TAS2R1: variants seen among roughly 807,000 people sequenced by gnomAD.
TAS2R1 encodes taste receptor type 2 member 1.
For synonymous variants in TAS2R1, 141 were observed against 134.2 expected (o/e 1.05, Z -0.35); for missense variants, 370 against 353.4 (o/e 1.05, Z -0.38).
At chr5:9,832,077 T>C in the TAS2R1 span, among the ~76,000 whole-genome samples, 2 of 152,216 alleles carry the variant, frequency 1.3e-5, no homozygotes, top group African/African-American at 4.8e-5. Context: ...TGTTATCAAG[T>C]CCAGCTCATC....
At chr5:9,736,883 C>T in the TAS2R1 span, among the ~76,000 whole-genome samples, 7 of 152,174 alleles carry the variant, frequency 4.6e-5, no homozygotes, top group Non-Finnish European at 8.8e-5. Context: ...TTCAGGAAAG[C>T]TCTGTGATAG....
chr5:9,685,009 T>A (rs1051108657), intron 1 of TAS2R1, among the ~76,000 whole-genome samples: 4 of 152,132 alleles, frequency 2.6e-5, no homozygotes, highest in Non-Finnish European at 4.4e-5. Context: ...GAGGTATGCA[T>A]GGTTCAGAAC....
the TAS2R1 span, among the ~76,000 whole-genome samples, chr5:9,875,861 G>C: frequency 6.6e-6 from 1 of 152,166 alleles, no homozygotes; most frequent in Admixed American, 6.5e-5. Flanking sequence ...CGGAAAAAGT[G>C]CTCATGAACT....
At chr5:9,878,880 C>T in the TAS2R1 span, among the ~76,000 whole-genome samples, 1 of 152,194 alleles carries the variant, frequency 6.6e-6, no homozygotes, top group African/African-American at 2.4e-5. Flanking sequence ...GAGTGCTGGC[C>T]ACAAGGGATG....
chr5:9,825,480 G>A, the TAS2R1 span, among the ~76,000 whole-genome samples: 1 of 152,080 alleles, frequency 6.6e-6, no homozygotes, highest in East Asian at 1.9e-4. Flanking sequence ...GGAATTGTGG[G>A]GGCTACAATT....
the TAS2R1 span, among the ~76,000 whole-genome samples, chr5:9,753,431 T>C: frequency 2.6e-5 from 4 of 152,250 alleles, no homozygotes; most frequent in Non-Finnish European, 5.9e-5. Context: ...GAGTTCATTG[T>C]AGATTCTGGA....
rs527946187 is a variant in TAS2R1, at chr5:9,629,562, C to A, written c.471G>T (p.Arg157Ser). Residue 157 changes from arginine to serine, a missense_variant, in exon 1 of 1, where the codon AGG (arginine) becomes AGT (serine). Arg to Ser is a moderately radical substitution (Grantham distance 110). Coordinates refer to ENST00000382492, the MANE Select transcript of TAS2R1 (RefSeq NM_019599.3). ...TTGTGGCATTTTGGGAGAAAAATTT[C>A]CTTAGGAAGTATGGGACCATAAACC... ...YAGFMVPYFLRKFFSQNATIQ... is the reference protein window; with the variant it reads ...YAGFMVPYFLSKFFSQNATIQ... 1.5e-5 allele frequency: 25 copies of A among 1,613,988 alleles called. No individual in the cohort carries two copies. The African/African-American group carries it at 2.9e-4, about 19-fold the overall frequency.
chr5:9,823,521 G>A, the TAS2R1 span, among the ~76,000 whole-genome samples: 2 of 146,380 alleles, frequency 1.4e-5, no homozygotes, highest in East Asian at 2.1e-4. Flanking sequence ...GGGAGGGAAG[G>A]GAAGGGAAGG....
chr5:9,666,154 AAT>A (rs1740628549), intron 1 of TAS2R1, among the ~76,000 whole-genome samples: 2 of 152,202 alleles, frequency 1.3e-5, no homozygotes, highest in African/African-American at 2.4e-5. Flanking sequence ...GATTTTTCAA[AAT>A]ATGTTTAAAA....
At chr5:9,902,960 G>T in the TAS2R1 span, among the ~76,000 whole-genome samples, 1 of 151,934 alleles carries the variant, frequency 6.6e-6, no homozygotes, top group Non-Finnish European at 1.5e-5. Context: ...AAAAAAATGT[G>T]TGAGTATGTA....
chr5:9,893,801 T>C, the TAS2R1 span, among the ~76,000 whole-genome samples: 1 of 152,114 alleles, frequency 6.6e-6, no homozygotes, highest in East Asian at 1.9e-4. Flanking sequence ...TAAGACTCTG[T>C]GGGAGGAAAA....
intron 2 of TAS2R1, among the ~76,000 whole-genome samples, chr5:9,655,577 G>GC (rs1346954410): frequency 6.6e-6 from 1 of 151,976 alleles, no homozygotes; most frequent in African/African-American, 2.4e-5. Flanking sequence ...AAATATATAA[G>GC]CCCCAAACAA....
the TAS2R1 span, among the ~76,000 whole-genome samples, chr5:9,736,392 T>C: frequency 1.3e-5 from 2 of 152,228 alleles, no homozygotes; most frequent in Non-Finnish European, 2.9e-5. Flanking sequence ...ACAAGCCCCA[T>C]CTGCTCTCTT....
chr5:9,843,573 G>A, the TAS2R1 span, among the ~76,000 whole-genome samples: 18 of 152,252 alleles, frequency 1.2e-4, no homozygotes, highest in African/African-American at 3.1e-4. Context: ...ACATTTAACC[G>A]TTTAAAACCA....
the TAS2R1 span, among the ~76,000 whole-genome samples, chr5:9,878,713 T>C: frequency 6.6e-6 from 1 of 152,134 alleles, no homozygotes; most frequent in Non-Finnish European, 1.5e-5. Context: ...CCAAATGCAG[T>C]TTGAGAGAAG....
At chr5:9,749,951 G>T in the TAS2R1 span, among the ~76,000 whole-genome samples, 3 of 152,144 alleles carry the variant, frequency 2.0e-5, no homozygotes, top group Non-Finnish European at 4.4e-5. Flanking sequence ...TTTCCATGCT[G>T]GACATACCCC....
At chr5:9,650,191 T>C (rs565515560) in intron 2 of TAS2R1, among the ~76,000 whole-genome samples, 31 of 152,266 alleles carry the variant, frequency 2.0e-4, no homozygotes, top group Middle Eastern at 3.4e-3. Flanking sequence ...TAGAAAACAA[T>C]ATATTCTAAC....
chr5:9,863,949 C>A, the TAS2R1 span, among the ~76,000 whole-genome samples: 1 of 152,196 alleles, frequency 6.6e-6, no homozygotes, highest in Non-Finnish European at 1.5e-5. Flanking sequence ...CAATAACCAC[C>A]AGAGGATAGG....
In TAS2R1 at chr5:9,629,867, T is replaced by A; in HGVS notation, c.166A>T (p.Ile56Phe). The change falls in exon 1 of 1, where the codon ATT becomes TTT. Residue 56 changes from isoleucine (I) to phenylalanine (F), a missense_variant. Ile to Phe is a conservative substitution (Grantham distance 21). Coordinates refer to ENST00000382492, the MANE Select transcript of TAS2R1 (RefSeq NM_019599.3). ...TAGAAGATGAACAACTGCAGAAAAA[T>A]TCTAGAAACTGCCAGACAAGAAAGA... ...LLLSCLAVSR[I>F]FLQLFIFYVN... 6.2e-7 allele frequency: 1 copy of A among 1,613,514 alleles called. No individual in the cohort carries two copies. The highest frequency in any genetic ancestry group is 2.2e-5 in the East Asian group (1 of 44,870).
Sources: allele counts gnomAD v4.1 joint callset (sites outside exome capture counted in the v4.1 genomes callset), GRCh38; gene constraint gnomAD v4.1.1; transcripts MANE v1.5; gene names NCBI Gene and HGNC (gene_info 2026-07-23, HGNC 2026-07-21).